CHTF8: variants seen among roughly 807,000 people sequenced by gnomAD.
CHTF8 encodes the protein chromosome transmission fidelity factor 8, also known as chromosome transmission fidelity protein 8 homolog.
Under a neutral mutation model 11.0 loss-of-function variants are expected in CHTF8, and 6 were observed. That is an observed-to-expected ratio of 0.55 (90% confidence interval 0.30 to 1.08). The LOEUF is 1.08. CHTF8 is among the 50% of genes least tolerant of loss of function. The probability of loss-of-function intolerance (pLI) is 0.07; values close to 1 mark genes in which losing one functional copy is unlikely to be tolerated. For missense variants in CHTF8, 140 were observed against 153.1 expected (o/e 0.91, Z 0.45); for synonymous variants, 53 against 60.5 (o/e 0.88, Z 0.57).
At chr16:69,127,393 A>G (rs1038207461) in intron 1 of CHTF8, among the ~76,000 whole-genome samples, 2 of 152,052 alleles carry the variant, frequency 1.3e-5, no homozygotes, top group East Asian at 3.9e-4. Context: ...AATTATCTGT[A>G]TAAGAAGAAT....
In CHTF8 at chr16:69,118,276, G is replaced by T. The variant is rs563100861; in HGVS notation, c.*2149C>A. 8.9e-6 allele frequency: 8 copies of T among 895,010 alleles called. No individual in the cohort carries two copies. In the East Asian group the frequency reaches 2.0e-4, roughly 22 times the overall value. 55.4% of individuals were successfully genotyped at this position (895,010 alleles called of 1,614,324 possible). Reference sequence around the variant, plus strand: ...AAGTCCCAGGAGAAGGGAGCTGCAGGCCCAGTCAGTCAAGCAGAAACTGCA... The same window carrying T: ...AAGTCCCAGGAGAAGGGAGCTGCAGTCCCAGTCAGTCAAGCAGAAACTGCA... On this transcript the variant is annotated 3_prime_UTR_variant, in exon 4 of 4. Transcript: ENST00000448552.
intron 1 of CHTF8, among the ~76,000 whole-genome samples, chr16:69,130,718 C>T (rs1460156330): frequency 6.6e-6 from 1 of 152,146 alleles, no homozygotes; most frequent in Non-Finnish European, 1.5e-5. Context: ...TATCGATTTC[C>T]CAGAGAAAGG....
In CHTF8 at chr16:69,118,795, G is replaced by A. The variant is rs1961372927; in HGVS notation, c.*1630C>T. On this transcript the variant is annotated 3_prime_UTR_variant, in exon 4 of 4. Coordinates refer to ENST00000448552, the MANE Select transcript of CHTF8 (RefSeq NM_001039690.5). ...CACAACTACCCTTTTACCTAAGACA[G>A]CCCCTGCCAAGAACCACAGTGCCTA... 3.0e-6 allele frequency: 2 copies of A among 657,036 alleles called. No homozygotes were observed. The highest frequency in any genetic ancestry group is 1.8e-5 in the African/African-American group (1 of 55,818). The allele number at this position is 657,036 out of a possible 1,614,324, so 40.7% of individuals were successfully genotyped here.
At chr16:69,131,535 C>T (rs2152274165) in intron 1 of CHTF8, 1 of 137,528 alleles carries the variant, frequency 7.3e-6, no homozygotes, top group Non-Finnish European at 1.5e-5. Flanking sequence ...CCCACCCTTT[C>T]TGCTAGAGCT....
chr16:69,122,441 C>T (rs957368566), intron 1 of CHTF8, among the ~76,000 whole-genome samples: 4 of 151,380 alleles, frequency 2.6e-5, no homozygotes, highest in African/African-American at 7.3e-5. Flanking sequence ...GGCGCCATCT[C>T]GGCTCACTGC....
chr16:69,132,364 G>A (rs1487764090), intron 1 of CHTF8, 120 bp downstream of exon 1: 1 of 135,940 alleles, frequency 7.4e-6, no homozygotes, highest in African/African-American at 2.8e-5. Context: ...TCTTCTCTCC[G>A]AGCCGCGCGC....
In CHTF8 at chr16:69,120,743, C is replaced by T; in HGVS notation, c.142-94G>A. The T allele has an allele frequency of 9.4e-7, 1 of 1,065,036 alleles. No homozygotes were observed. 66.0% of individuals were successfully genotyped at this position (1,065,036 alleles called of 1,614,324 possible). On this transcript the variant is annotated intron_variant, in intron 3 of 3. Transcript: ENST00000448552. This position sits in a 1 kb window ranked among gnomAD's most constrained non-coding sequence, Gnocchi z 4.0. ...AGCTGCTCTTGGCAGGCTATGCTGGCACCTCCAATCCCTGGTCTGGCTCTG... is the reference window on the plus strand; with the variant it reads ...AGCTGCTCTTGGCAGGCTATGCTGGTACCTCCAATCCCTGGTCTGGCTCTG...
At chr16:69,127,402 A>G (rs1434762961) in intron 1 of CHTF8, among the ~76,000 whole-genome samples, 1 of 152,096 alleles carries the variant, frequency 6.6e-6, no homozygotes, top group Non-Finnish European at 1.5e-5. Flanking sequence ...TATAAGAAGA[A>G]TATGTCTAAG....
At chr16:69,130,299 G>A (rs1410747058) in intron 1 of CHTF8, among the ~76,000 whole-genome samples, 1 of 150,184 alleles carries the variant, frequency 6.7e-6, no homozygotes, top group African/African-American at 2.4e-5. Context: ...GCTAAACAAC[G>A]TTTTAGAAAT....
At position 69,124,423 on chromosome 16, in the gene CHTF8, ATTTT is replaced by A. The variant is rs879708208; in HGVS notation, c.-35-2934_-35-2931del. The stretch of plus-strand genomic sequence containing the variant: ...AACACCCGATTAAAATGTTAAACAG[ATTTT>A]TTTTTTGTTTTTTTGAGATGGACTC... On this transcript the variant is annotated intron_variant, in intron 1 of 3. Coordinates refer to ENST00000448552, the MANE Select transcript of CHTF8 (RefSeq NM_001039690.5). Among the ~76,000 whole-genome samples, 5 of 150,074 alleles carry A rather than the reference ATTTT, an allele frequency of 3.3e-5. No individual in the cohort carries two copies. The East Asian group carries it at 9.7e-4, about 29-fold the overall frequency.
At chr16:69,127,771 G>A (rs778589220) in intron 1 of CHTF8, among the ~76,000 whole-genome samples, 2 of 150,632 alleles carry the variant, frequency 1.3e-5, no homozygotes, top group South Asian at 2.1e-4. Context: ...CACCACACCC[G>A]GCAACTTTTT....
At chr16:69,130,526 G>A (rs572322733) in intron 1 of CHTF8, among the ~76,000 whole-genome samples, 3 of 152,176 alleles carry the variant, frequency 2.0e-5, no homozygotes, top group Non-Finnish European at 4.4e-5. Context: ...TTGTCATACA[G>A]ACCTGGATTC....
chr16:69,127,601 CTTTTTTTTTTTTT>C (rs71383961), intron 1 of CHTF8, among the ~76,000 whole-genome samples: 4 of 104,392 alleles, frequency 3.8e-5, no homozygotes, highest in Admixed American at 2.3e-4. Flanking sequence ...CTCCCGGCAA[CTTTTTTTTTTTTT>C]TTTTTTTTTT....
intron 1 of CHTF8, 127 bp downstream of exon 1, chr16:69,132,357 T>G (rs1179481137): frequency 6.9e-6 from 1 of 144,800 alleles, no homozygotes; most frequent in Non-Finnish European, 1.5e-5. Context: ...TCGCCATTCT[T>G]CTCTCCGAGC....
Position 69,118,077 on chromosome 16 carries a change from C to A in CHTF8, c.*2348G>T. On this transcript the variant is annotated 3_prime_UTR_variant, in exon 4 of 4. Transcript: ENST00000448552. ...CAATGCAGGAAAACCACCAACCATC[C>A]TTGCACACCAGGCCGAACAAAGCAC... 1 of 512,216 alleles carries A rather than the reference C, an allele frequency of 2.0e-6. No individual in the cohort carries two copies. The highest frequency in any genetic ancestry group is 3.5e-6 in the Non-Finnish European group (1 of 284,668). The allele number at this position is 512,216 out of a possible 1,614,324, so 31.7% of individuals were successfully genotyped here. A position where few individuals can be genotyped will look rare whatever the true frequency, so the allele number is the denominator to read the frequency against.
At chr16:69,125,806 TA>T (rs1289856957) in intron 1 of CHTF8, among the ~76,000 whole-genome samples, 1 of 152,240 alleles carries the variant, frequency 6.6e-6, no homozygotes, top group Non-Finnish European at 1.5e-5. Flanking sequence ...CTCCTGCCTG[TA>T]AGTGTGGACC....
At position 69,121,121 on chromosome 16, in the gene CHTF8, C is replaced by G. The variant is rs1961621422; in HGVS notation, c.73G>C (p.Glu25Gln). 1 of 1,613,738 alleles carries G rather than the reference C, an allele frequency of 6.2e-7. No individual in the cohort carries two copies. Among genetic ancestry groups the G allele is most frequent in the Non-Finnish European group, 8.5e-7 (1 of 1,180,020 alleles). ...CCAGTGCTGTAGCGAGCCTCGATCT[C>G]CCCCTGTAGCTCCATCAGCACCCAT... is the stretch of plus-strand genomic sequence containing the variant. ...AEWVLMELQG[E>Q]IEARYSTGLA... is the part of the protein sequence containing the mutation. The change falls in exon 3 of 4, where the codon GAG becomes CAG. Residue 25 changes from glutamate (E) to glutamine (Q), a missense_variant. Transcript: ENST00000448552.
intron 1 of CHTF8, among the ~76,000 whole-genome samples, chr16:69,125,752 TGAA>T (rs1026522337): frequency 3.3e-5 from 5 of 152,358 alleles, no homozygotes; most frequent in Admixed American, 2.6e-4. Context: ...TAAGGTTTCT[TGAA>T]GAAGGATAAC....
At chr16:69,127,303 CAG>C (rs1567593373) in intron 1 of CHTF8, among the ~76,000 whole-genome samples, 1 of 149,544 alleles carries the variant, frequency 6.7e-6, no homozygotes, top group African/African-American at 2.5e-5. Flanking sequence ...TGAGAGTAGA[CAG>C]AGTGAGTAGA....
Sources: gnomAD v4.1 joint callset for allele counts (sites outside exome capture counted in the v4.1 genomes callset) on GRCh38, gnomAD v4.1.1 for gene constraint, Gnocchi (gnomAD v3.1) non-coding constraint, MANE v1.5 for transcripts, NCBI Gene and HGNC (gene_info 2026-07-23, HGNC 2026-07-21) for gene names.